The following GPC6 variants were observed in gnomAD, a reference collection of about 807,000 sequenced individuals.
GPC6 encodes glypican 6.
A neutral mutation model predicts 55.2 loss-of-function variants in GPC6; 14 were observed. That is an observed-to-expected ratio of 0.25 (90% CI 0.17 to 0.40). GPC6 has a LOEUF of 0.40. Ranked by LOEUF, GPC6 falls within the 10% of genes least tolerant of loss-of-function variation. The probability of loss-of-function intolerance (pLI) is 1.00; values close to 1 mark genes in which losing one functional copy is unlikely to be tolerated. For missense variants in GPC6, 641 were observed against 708.5 expected (o/e 0.90, Z 1.08); for synonymous variants, 278 against 259.6 (o/e 1.07, Z -0.68).
At chr13:94,296,604 G>A (rs1482109463) in intron 5 of GPC6, among the ~76,000 whole-genome samples, 1 of 152,208 alleles carries the variant, frequency 6.6e-6, no homozygotes. Flanking sequence ...CCTTCTGTGT[G>A]GTGATATGCA....
chr13:93,510,870 G>T lies in GPC6; in HGVS notation c.161-34393G>T, dbSNP rs569893574. 9.6e-5 allele frequency among the ~76,000 whole-genome samples: 14 copies of T among 146,004 alleles called. No homozygotes were observed. In the South Asian group the frequency reaches 3.0e-3, roughly 32 times the overall value. On this transcript the variant is annotated intron_variant, in intron 1 of 8. Transcript: ENST00000377047. ...AAGATGATATCTCATTGTGGTTTTGGTTTCCATTTCCCTGATCATAAGTGA... is the reference window on the plus strand; with the variant it reads ...AAGATGATATCTCATTGTGGTTTTGTTTTCCATTTCCCTGATCATAAGTGA...
intron 1 of GPC6, among the ~76,000 whole-genome samples, chr13:93,540,525 T>C (rs1882251212): frequency 6.6e-6 from 1 of 152,128 alleles, no homozygotes; most frequent in African/African-American, 2.4e-5. Context: ...TAATAAGATA[T>C]AGCTTTATTT....
intron 2 of GPC6, among the ~76,000 whole-genome samples, chr13:93,663,729 C>G (rs1398600677): frequency 6.6e-6 from 1 of 152,130 alleles, no homozygotes; most frequent in African/African-American, 2.4e-5. Context: ...GTCTACACAA[C>G]AAGAAGTTTG....
At chr13:93,715,844 A>G (rs574655695) in intron 2 of GPC6, among the ~76,000 whole-genome samples, 1 of 151,750 alleles carries the variant, frequency 6.6e-6, no homozygotes, top group South Asian at 2.1e-4. Flanking sequence ...ACTCAGTCCT[A>G]CAGAATTAGA....
chr13:93,986,036 A>C (rs1410640407), intron 3 of GPC6, among the ~76,000 whole-genome samples: 4 of 152,154 alleles, frequency 2.6e-5, no homozygotes, highest in Non-Finnish European at 5.9e-5. Flanking sequence ...TTGTTACCGG[A>C]TAGACACAGA....
At chr13:93,348,922 T>C (rs1027888934) in intron 1 of GPC6, among the ~76,000 whole-genome samples, 2 of 152,160 alleles carry the variant, frequency 1.3e-5, no homozygotes, top group Admixed American at 6.6e-5. Context: ...CCATAGAGAA[T>C]ACATAGGTCA....
intron 4 of GPC6, among the ~76,000 whole-genome samples, chr13:94,124,663 T>C (rs1886746279): frequency 6.6e-6 from 1 of 152,104 alleles, no homozygotes; most frequent in East Asian, 1.9e-4. Flanking sequence ...GGGAATGCCC[T>C]CTCGCTCACA....
At chr13:93,808,321 C>G (rs1886597423) in intron 2 of GPC6, among the ~76,000 whole-genome samples, 1 of 152,138 alleles carries the variant, frequency 6.6e-6, no homozygotes, top group Non-Finnish European at 1.5e-5. Context: ...CACACATGCT[C>G]TTGTAAAGAG....
chr13:94,051,978 T>G (rs1003309176), intron 4 of GPC6, among the ~76,000 whole-genome samples: 2 of 152,204 alleles, frequency 1.3e-5, no homozygotes, highest in Non-Finnish European at 2.9e-5. Context: ...CATAAGGATG[T>G]GGGAATACCA....
chr13:93,776,082 G>C (rs1335500709), intron 2 of GPC6, among the ~76,000 whole-genome samples: 1 of 71,944 alleles, frequency 1.4e-5, no homozygotes, highest in Non-Finnish European at 2.6e-5. Flanking sequence ...GGGTGGGGGG[G>C]TGGTGTACAT....
chr13:94,079,707 C>A (rs1474147478), intron 4 of GPC6, among the ~76,000 whole-genome samples: 1 of 152,210 alleles, frequency 6.6e-6, no homozygotes. Flanking sequence ...AACACAGGCA[C>A]TACTTCCTCA....
chr13:94,013,629 CATGAGTCACTGTGCCT>C (rs1882341342), intron 3 of GPC6, among the ~76,000 whole-genome samples: 1 of 152,168 alleles, frequency 6.6e-6, no homozygotes, highest in Non-Finnish European at 1.5e-5. Context: ...GGATTACAGG[CATGAGTCACTGTGCCT>C]AGCCTTATGT....
intron 2 of GPC6, among the ~76,000 whole-genome samples, chr13:93,738,663 T>G (rs1884085285): frequency 6.6e-6 from 1 of 151,512 alleles, no homozygotes; most frequent in Non-Finnish European, 1.5e-5. Context: ...GGGTTTGGAG[T>G]AGGAGAGAGA....
intron 2 of GPC6, among the ~76,000 whole-genome samples, chr13:93,789,322 T>C (rs1382303029): frequency 6.6e-6 from 1 of 151,562 alleles, no homozygotes; most frequent in East Asian, 2.0e-4. Flanking sequence ...GGATTTCCTA[T>C]GTATATACCT....
At chr13:93,347,454 C>A (rs1880469466) in intron 1 of GPC6, among the ~76,000 whole-genome samples, 1 of 152,024 alleles carries the variant, frequency 6.6e-6, no homozygotes, top group South Asian at 2.1e-4. Flanking sequence ...GATTTTAGCC[C>A]CAAGTCTTCA....
rs1479215487 is a variant in GPC6 at position 93,373,045 on chromosome 13, G to A, written c.160+145429G>A. On this transcript the variant is annotated intron_variant, in intron 1 of 8. Coordinates refer to ENST00000377047, the MANE Select transcript of GPC6 (RefSeq NM_005708.5). ...TTAGCTACAGAATGTTAGCCACCCT[G>A]CTGGATGCAACTCCACATCTCCCTC... Among the ~76,000 whole-genome samples, 5 of 152,260 alleles carry A rather than the reference G, an allele frequency of 3.3e-5. No homozygotes were observed. The East Asian group carries it at 9.6e-4, about 29-fold the overall frequency.
intron 1 of GPC6, among the ~76,000 whole-genome samples, chr13:93,349,395 C>T (rs1469990163): frequency 6.6e-6 from 1 of 151,926 alleles, no homozygotes; most frequent in African/African-American, 2.4e-5. Flanking sequence ...CTATAAAAAG[C>T]CTTATTCATT....
At chr13:94,203,079 T>G (rs951132686) in intron 4 of GPC6, among the ~76,000 whole-genome samples, 1 of 151,902 alleles carries the variant, frequency 6.6e-6, no homozygotes, top group Non-Finnish European at 1.5e-5. Context: ...TTTTATAGTT[T>G]TATAAATATG....
At chr13:93,317,340 A>G (rs566193758) in intron 1 of GPC6, among the ~76,000 whole-genome samples, 1 of 152,268 alleles carries the variant, frequency 6.6e-6, no homozygotes, top group South Asian at 2.1e-4. Context: ...AAAGTGACTT[A>G]ATATTAATCT....
Sources: gnomAD v4.1 joint callset for allele counts (sites outside exome capture counted in the v4.1 genomes callset) on GRCh38, gnomAD v4.1.1 for gene constraint, MANE v1.5 for transcripts, NCBI Gene and HGNC (gene_info 2026-07-23, HGNC 2026-07-21) for gene names.